Variants in SLIT2 observed in about 807,000 individuals in gnomAD.
The protein encoded by SLIT2 is slit guidance ligand 2, also known as slit homolog 2 protein.
In SLIT2, 41 loss-of-function variants were observed where a neutral mutation model predicts 185.7. That is an observed-to-expected ratio of 0.22 (90% CI 0.17 to 0.29). The LOEUF (loss-of-function observed/expected upper bound fraction) is 0.29, where lower values mean the gene tolerates loss of function less well. Ranked by LOEUF, SLIT2 falls within the 10% of genes least tolerant of loss-of-function variation. The probability of loss-of-function intolerance (pLI) is 1.00; values close to 1 mark genes in which losing one functional copy is unlikely to be tolerated. For missense variants in SLIT2, 1,571 were observed against 1,909.0 expected, an observed-to-expected ratio of 0.82 and a Z score of 3.30; for synonymous variants, 693 against 680.2, an observed-to-expected ratio of 1.02 and a Z score of -0.29.
At position 20,453,679 on chromosome 4, in the gene SLIT2, A is replaced by G. The variant is rs1712732708; in HGVS notation, c.396-14073A>G. Among the ~76,000 whole-genome samples, 4 of 152,150 alleles carry G rather than the reference A, an allele frequency of 2.6e-5. No individual in the cohort carries two copies. In the South Asian group the frequency reaches 8.3e-4, roughly 32 times the overall value. On this transcript the variant is annotated intron_variant, in intron 4 of 36. Transcript: ENST00000504154. ...CTGGGATGAAATTCTTATATAATTA[A>G]AGCAAAGGCCCAGTCCTCAAGTTAT...
chr4:20,427,824 A>T (rs529150463), intron 4 of SLIT2, among the ~76,000 whole-genome samples: 1 of 152,170 alleles, frequency 6.6e-6, no homozygotes, highest in Non-Finnish European at 1.5e-5. Flanking sequence ...ATAGAATGTT[A>T]TTGAAATTCA....
intron 4 of SLIT2, among the ~76,000 whole-genome samples, chr4:20,319,806 CAA>C (rs200940864): frequency 1.7e-4 from 15 of 88,838 alleles, no homozygotes; most frequent in Admixed American, 1.7e-3. Flanking sequence ...CACTAAAAAA[CAA>C]AACAAAAAAA....
Position 20,596,438 on chromosome 4 carries a change from C to T in SLIT2, c.3344C>T (p.Pro1115Leu). The change falls in exon 32 of 37, where the codon CCA becomes CTA. Residue 1115 changes from proline (P) to leucine (L), a missense_variant. Around this residue, in one of 3 missense-constraint regions of SLIT2, gnomAD observed 1,202 missense variants for 1,416.4 expected, o/e 0.85. Coordinates refer to ENST00000504154, the MANE Select transcript of SLIT2 (RefSeq NM_004787.4). Reference sequence around the variant, plus strand: ...AGTGGCTTGTTCTGTGAGTTTTCTCCACCCATGGTCCTCCCTCGTACCAGC... The same window carrying T: ...AGTGGCTTGTTCTGTGAGTTTTCTCTACCCATGGTCCTCCCTCGTACCAGC... ...GYSGLFCEFS[P>L]PMVLPRTSPC... The T allele has an allele frequency of 1.2e-6, 2 of 1,613,766 alleles. No individual in the cohort carries two copies. Among genetic ancestry groups the T allele is most frequent in the South Asian group, 1.1e-5 (1 of 91,006 alleles).
At chr4:20,499,910 A>G (rs1718562234) in intron 9 of SLIT2, among the ~76,000 whole-genome samples, 1 of 152,188 alleles carries the variant, frequency 6.6e-6, no homozygotes, top group Admixed American at 6.5e-5. Flanking sequence ...TTTTTGATTG[A>G]TTAGCATGTA....
At chr4:20,526,135 T>A (rs190531566) in intron 15 of SLIT2, among the ~76,000 whole-genome samples, 38 of 152,284 alleles carry the variant, frequency 2.5e-4, no homozygotes, top group African/African-American at 9.1e-4. Flanking sequence ...ACAGCGTTAG[T>A]GTACAGAGTT....
intron 4 of SLIT2, among the ~76,000 whole-genome samples, chr4:20,326,466 A>G (rs1266675973): frequency 5.9e-5 from 9 of 152,050 alleles, no homozygotes; most frequent in Admixed American, 1.3e-4. Flanking sequence ...ATGGATTTCT[A>G]TACCCCAGAA....
intron 16 of SLIT2, 113 bp from the exon 17 acceptor site, chr4:20,531,871 C>T (rs1450516754): frequency 1.9e-5 from 11 of 591,904 alleles, no homozygotes; most frequent in Non-Finnish European, 2.9e-5. Context: ...TATGTATTTC[C>T]TTTTATTTTC....
In SLIT2 at chr4:20,492,735, A is replaced by C. The variant is rs1717888100; in HGVS notation, c.914+836A>C. On this transcript the variant is annotated intron_variant, in intron 9 of 36. Coordinates refer to ENST00000504154, the MANE Select transcript of SLIT2 (RefSeq NM_004787.4). ...ATTTTTGGTTGAAATAATAGGAACA[A>C]CTTCTTAGAATAGGCCTACATAGTA... Among the ~76,000 whole-genome samples the C allele has an allele frequency of 2.0e-5, 3 of 152,196 alleles. No individual in the cohort carries two copies. In the South Asian group the frequency reaches 6.2e-4, roughly 31 times the overall value.
chr4:20,617,395 C>G (rs779238306), intron 35 of SLIT2, 44 bp from the exon 36 acceptor site: 1 of 1,557,234 alleles, frequency 6.4e-7, no homozygotes, highest in East Asian at 2.2e-5. Context: ...TTCTTACCTC[C>G]TCTTCTGAAT....
chr4:20,463,895 T>A (rs2148735493), intron 4 of SLIT2, among the ~76,000 whole-genome samples: 1 of 148,188 alleles, frequency 6.7e-6, no homozygotes, highest in South Asian at 2.1e-4. Context: ...AAAAAAAAAT[T>A]TCAAAACCAT....
intron 33 of SLIT2, among the ~76,000 whole-genome samples, chr4:20,600,760 C>A (rs766558673): frequency 6.6e-6 from 1 of 151,982 alleles, no homozygotes; most frequent in African/African-American, 2.4e-5. Context: ...AGAGCAAATA[C>A]AGCTTTAATT....
chr4:20,355,985 T>C (rs1477181211), intron 4 of SLIT2, among the ~76,000 whole-genome samples: 2 of 152,166 alleles, frequency 1.3e-5, no homozygotes, highest in Non-Finnish European at 2.9e-5. Context: ...ATAAAAAATA[T>C]AATTTAAATA....
Position 20,252,935 on chromosome 4 carries a change from C to T in SLIT2, c.-881C>T, listed in dbSNP as rs538204429. Among the ~76,000 whole-genome samples the T allele has an allele frequency of 1.3e-5, 2 of 152,318 alleles. No homozygotes were observed. The highest frequency in any genetic ancestry group is 2.9e-5 in the Non-Finnish European group (2 of 68,030). On this transcript the variant is annotated 5_prime_UTR_variant, in exon 1 of 37. Transcript: ENST00000504154. ...TCCTCCACTTGGCCTCTTGGAGTTC[C>T]TCGCCGGAGTGCTGACTAGTGGATA... is the stretch of plus-strand genomic sequence containing the variant.
Position 20,499,369 on chromosome 4 carries a change from C to A in SLIT2, c.914+7470C>A, listed in dbSNP as rs561090103. Among the ~76,000 whole-genome samples, 5 of 152,238 alleles carry A rather than the reference C, an allele frequency of 3.3e-5. No homozygotes were observed. The South Asian group carries it at 1.0e-3, about 32-fold the overall frequency. On this transcript the variant is annotated intron_variant, in intron 9 of 36. Transcript: ENST00000504154. ...TGTTTAGATAACTACCTCCCATATA[C>A]GCTTAAACTTTTTGCTTGCTATTTC...
intron 29 of SLIT2, among the ~76,000 whole-genome samples, chr4:20,584,147 C>T (rs1214788232): frequency 6.6e-6 from 1 of 152,160 alleles, no homozygotes; most frequent in African/African-American, 2.4e-5. Flanking sequence ...TTTAGAGCCA[C>T]AGTTAACCTT....
chr4:20,462,082 C>T (rs1001670652), intron 4 of SLIT2, among the ~76,000 whole-genome samples: 1 of 152,116 alleles, frequency 6.6e-6, no homozygotes, highest in Non-Finnish European at 1.5e-5. Flanking sequence ...GCCAGTAAGA[C>T]ACTTCTCAGA....
chr4:20,389,356 A>T (rs993807942), intron 4 of SLIT2, among the ~76,000 whole-genome samples: 9 of 152,072 alleles, frequency 5.9e-5, no homozygotes, highest in African/African-American at 2.2e-4. Context: ...TTGAACTTGC[A>T]GATATCCAGG....
chr4:20,424,564 A>T (rs539901251), intron 4 of SLIT2, among the ~76,000 whole-genome samples: 4 of 152,220 alleles, frequency 2.6e-5, no homozygotes, highest in East Asian at 1.9e-4. Flanking sequence ...TAATTTTTTT[A>T]AAATGCTTAG....
chr4:20,585,485 T>G (rs1010577991), intron 29 of SLIT2, among the ~76,000 whole-genome samples: 4 of 152,190 alleles, frequency 2.6e-5, no homozygotes, highest in African/African-American at 7.2e-5. Context: ...TTCCTGGGAT[T>G]TAGAGGAATG....
Sources: allele counts gnomAD v4.1 joint callset (sites outside exome capture counted in the v4.1 genomes callset), GRCh38; gene constraint gnomAD v4.1.1; regional missense constraint gnomAD v4.1.1; transcripts MANE v1.5; gene names NCBI Gene and HGNC (gene_info 2026-07-23, HGNC 2026-07-21).